ADGRB3: variants seen among roughly 807,000 people sequenced by gnomAD.
ADGRB3 encodes the protein brain-specific angiogenesis inhibitor 3.
Under a neutral mutation model 193.4 loss-of-function variants are expected in ADGRB3, and 37 were observed. The ratio of observed to expected loss-of-function variants is 0.19; its 90% CI spans 0.15 to 0.25. The LOEUF (loss-of-function observed/expected upper bound fraction) is 0.25. ADGRB3 is among the 10% of genes least tolerant of loss of function. ADGRB3 has a pLI of 1.00. For synonymous variants in ADGRB3, 690 were observed against 644.2 expected, an observed-to-expected ratio of 1.07 and a Z score of -1.08; for missense variants, 1,637 against 1,852.9, an observed-to-expected ratio of 0.88 and a Z score of 2.14.
chr6:68,644,332 A>T (rs751936872), intron 3 of ADGRB3, among the ~76,000 whole-genome samples: 3 of 152,152 alleles, frequency 2.0e-5, no homozygotes, highest in Non-Finnish European at 2.9e-5. Flanking sequence ...TTACTAACAA[A>T]TATTCTTAAT....
In ADGRB3 at chr6:68,887,299, G is replaced by C. The variant is rs540947764; in HGVS notation, c.758-43260G>C. On this transcript the variant is annotated intron_variant, in intron 3 of 31. Coordinates refer to ENST00000370598, the MANE Select transcript of ADGRB3 (RefSeq NM_001704.3). The stretch of plus-strand genomic sequence containing the variant: ...AAAAAATGGGCTTAACCATTGATAC[G>C]TATCCTTGCAGTCTATTAGCTAGTA... 4.6e-5 allele frequency among the ~76,000 whole-genome samples: 7 copies of C among 152,014 alleles called. No individual in the cohort carries two copies. The East Asian group carries it at 1.3e-3, about 29-fold the overall frequency.
At chr6:69,127,802 G>A (rs1477106400) in intron 17 of ADGRB3, among the ~76,000 whole-genome samples, 1 of 152,086 alleles carries the variant, frequency 6.6e-6, no homozygotes, top group Non-Finnish European at 1.5e-5. Context: ...TTACACAACT[G>A]TAAATGTTAA....
At chr6:68,824,711 T>C (rs868132841) in intron 3 of ADGRB3, among the ~76,000 whole-genome samples, 18 of 150,146 alleles carry the variant, frequency 1.2e-4, no homozygotes, top group South Asian at 2.1e-4. Context: ...TTGTATCTGT[T>C]CTTCTGGGAA....
chr6:69,359,205 A>G (rs1481506594), intron 28 of ADGRB3, among the ~76,000 whole-genome samples: 1 of 151,806 alleles, frequency 6.6e-6, no homozygotes, highest in East Asian at 1.9e-4. Context: ...AGTGTTCCTT[A>G]CTGAATTTGG....
chr6:68,845,931 A>G (rs1768264779), intron 3 of ADGRB3, among the ~76,000 whole-genome samples: 1 of 152,188 alleles, frequency 6.6e-6, no homozygotes, highest in Admixed American at 6.5e-5. Flanking sequence ...AGGGCTCAGA[A>G]GAAGACAGGA....
At chr6:68,662,700 C>T (rs1768694863) in intron 3 of ADGRB3, among the ~76,000 whole-genome samples, 2 of 151,344 alleles carry the variant, frequency 1.3e-5, no homozygotes, top group Non-Finnish European at 3.0e-5. Context: ...CTTTAGAACA[C>T]AATGTATCAT....
chr6:68,905,914 C>G (rs945782114), intron 3 of ADGRB3, among the ~76,000 whole-genome samples: 3 of 151,944 alleles, frequency 2.0e-5, no homozygotes, highest in African/African-American at 7.3e-5. Context: ...GTTTCCCTCT[C>G]TATATTCTAG....
intron 17 of ADGRB3, among the ~76,000 whole-genome samples, chr6:69,155,641 G>A (rs1254338397): frequency 6.6e-6 from 1 of 152,166 alleles, no homozygotes; most frequent in African/African-American, 2.4e-5. Flanking sequence ...ATCCCAATCA[G>A]TCAATCTACT....
chr6:69,121,383 T>C (rs1773681660), intron 17 of ADGRB3, among the ~76,000 whole-genome samples: 1 of 152,224 alleles, frequency 6.6e-6, no homozygotes, highest in Non-Finnish European at 1.5e-5. Context: ...CAGAACAAAA[T>C]GGAGTCTCCT....
chr6:68,642,222 G>C (rs1768099798), intron 3 of ADGRB3, among the ~76,000 whole-genome samples: 1 of 152,130 alleles, frequency 6.6e-6, no homozygotes, highest in Admixed American at 6.5e-5. Context: ...TACCATAGAA[G>C]TGGCACAAAT....
chr6:69,119,292 T>C (rs1773620161), intron 17 of ADGRB3, among the ~76,000 whole-genome samples: 1 of 152,220 alleles, frequency 6.6e-6, no homozygotes. Context: ...AATTATTCAT[T>C]CATTCAGCAA....
chr6:68,691,900 T>C (rs932892647), intron 3 of ADGRB3, among the ~76,000 whole-genome samples: 91 of 151,594 alleles, frequency 6.0e-4, no homozygotes, highest in African/African-American at 2.1e-3. Context: ...ATAGCCTCCA[T>C]TGGATATCTG....
chr6:68,873,125 C>T (rs1765506089), intron 3 of ADGRB3, among the ~76,000 whole-genome samples: 1 of 152,116 alleles, frequency 6.6e-6, no homozygotes, highest in African/African-American at 2.4e-5. Flanking sequence ...AACAGCATTG[C>T]TGAAACCCAA....
At chr6:68,695,818 T>C (rs1232335133) in intron 3 of ADGRB3, among the ~76,000 whole-genome samples, 1 of 151,984 alleles carries the variant, frequency 6.6e-6, no homozygotes, top group Non-Finnish European at 1.5e-5. Flanking sequence ...TGAGCCCAAA[T>C]AGACAATCTC....
intron 3 of ADGRB3, among the ~76,000 whole-genome samples, chr6:68,786,770 T>C (rs2127364116): frequency 6.6e-6 from 1 of 151,530 alleles, no homozygotes; most frequent in Non-Finnish European, 1.5e-5. Flanking sequence ...ACGATATTGA[T>C]TCTTCCTACC....
At chr6:69,002,602 C>T (rs16900410) in intron 11 of ADGRB3, among the ~76,000 whole-genome samples, 9,686 of 152,162 alleles carry the variant, frequency 0.064, 952 homozygotes, top group African/African-American at 0.21. Flanking sequence ...TAGATTAAGT[C>T]ACTTGGTGAA....
At chr6:69,083,957 T>C (rs185191084) in intron 17 of ADGRB3, among the ~76,000 whole-genome samples, 1 of 152,138 alleles carries the variant, frequency 6.6e-6, no homozygotes, top group Admixed American at 6.6e-5. Context: ...GCATTTTTAG[T>C]ATAGACGCAG....
chr6:69,360,254 C>A (rs1769423614), intron 28 of ADGRB3, among the ~76,000 whole-genome samples: 2 of 151,784 alleles, frequency 1.3e-5, no homozygotes, highest in Admixed American at 6.6e-5. Flanking sequence ...AATTTTCTTT[C>A]TTCCATATAA....
intron 3 of ADGRB3, among the ~76,000 whole-genome samples, chr6:68,824,541 A>T (rs1330390885): frequency 6.7e-6 from 1 of 148,386 alleles, no homozygotes; most frequent in African/African-American, 2.5e-5. Flanking sequence ...TACATATTTC[A>T]TGATTATACA....
Sources: gnomAD v4.1 joint callset for allele counts (sites outside exome capture counted in the v4.1 genomes callset) on GRCh38, gnomAD v4.1.1 for gene constraint, MANE v1.5 for transcripts, NCBI Gene and HGNC (gene_info 2026-07-23, HGNC 2026-07-21) for gene names.